AGBL1: variants seen among roughly 807,000 people sequenced by gnomAD.
AGBL1 encodes cytosolic carboxypeptidase 4.
Under a neutral mutation model 118.9 loss-of-function variants are expected in AGBL1, and 130 were observed. The ratio of observed to expected loss-of-function variants is 1.09; its 90% CI spans 0.95 to 1.26. AGBL1 has a LOEUF of 1.26. AGBL1 is among the 50% of genes most tolerant of loss of function. The probability of loss-of-function intolerance (pLI) is 0.00; values close to 1 mark genes in which losing one functional copy is unlikely to be tolerated. For missense variants in AGBL1, 1,584 were observed against 1,298.1 expected (o/e 1.22, Z -3.38); for synonymous variants, 555 against 478.9 (o/e 1.16, Z -2.08).
intron 18 of AGBL1, among the ~76,000 whole-genome samples, chr15:86,450,785 A>G (rs1247502450): frequency 1.3e-5 from 2 of 152,220 alleles, no homozygotes; most frequent in Non-Finnish European, 2.9e-5. Flanking sequence ...GGGTTAAAGA[A>G]GATGCTGCAT....
At chr15:86,289,762 C>T (rs948035246) in intron 16 of AGBL1, among the ~76,000 whole-genome samples, 1 of 152,214 alleles carries the variant, frequency 6.6e-6, no homozygotes, top group South Asian at 2.1e-4. Flanking sequence ...TTATAAGGAC[C>T]TTTGTCATTA....
intron 21 of AGBL1, among the ~76,000 whole-genome samples, chr15:86,665,071 T>C (rs955469463): frequency 6.6e-6 from 1 of 152,078 alleles, no homozygotes; most frequent in African/African-American, 2.4e-5. Context: ...AAAATTGGGG[T>C]CATAAAGAAT....
At chr15:86,762,850 G>A (rs2078045848) in intron 22 of AGBL1, among the ~76,000 whole-genome samples, 1 of 152,002 alleles carries the variant, frequency 6.6e-6, no homozygotes, top group Admixed American at 6.6e-5. Context: ...TGGGATAGTT[G>A]AGTGTGTTGT....
At chr15:86,560,150 T>C (rs2083794241) in intron 21 of AGBL1, among the ~76,000 whole-genome samples, 1 of 152,142 alleles carries the variant, frequency 6.6e-6, no homozygotes, top group African/African-American at 2.4e-5. Flanking sequence ...TGTACTTTTT[T>C]TTTTATATAC....
chr15:86,805,520 A>G (rs1176427558), intron 22 of AGBL1, among the ~76,000 whole-genome samples: 1 of 151,948 alleles, frequency 6.6e-6, no homozygotes, highest in Non-Finnish European at 1.5e-5. Context: ...TCTGTGCTGT[A>G]GACATGTGCA....
chr15:86,916,872 A>C (rs1033248352), downstream of AGBL1, among the ~76,000 whole-genome samples: 1 of 152,228 alleles, frequency 6.6e-6, no homozygotes, highest in African/African-American at 2.4e-5. Context: ...CCAGGCCTGC[A>C]CAATGATCTA....
chr15:86,264,418 T>C lies in AGBL1; in HGVS notation c.1247T>C (p.Leu416Pro). The C allele has an allele frequency of 1.9e-6, 3 of 1,613,990 alleles. No homozygotes were observed. Among genetic ancestry groups the C allele is most frequent in the Non-Finnish European group, 2.5e-6 (3 of 1,179,882 alleles). ...GAATATGCTGTCCAGACTTCCCTTC[T>C]GTGCAGGGTGAAGACGGGAAGGTCC... The part of the protein sequence containing the change: ...EREYAVQTSL[L>P]CRVKTGRSTV... Residue 416 changes from leucine to proline, a missense_variant, in exon 11 of 23, where the codon CTG becomes CCG. By Grantham distance (98) the Leu-to-Pro change is moderately conservative. Transcript: ENST00000614907.
chr15:86,794,860 A>G (rs2078546923), intron 22 of AGBL1, among the ~76,000 whole-genome samples: 1 of 152,148 alleles, frequency 6.6e-6, no homozygotes, highest in Non-Finnish European at 1.5e-5. Flanking sequence ...TGGAACTGCT[A>G]GTTTTATATT....
chr15:86,199,249 C>T (rs758654668), intron 5 of AGBL1, among the ~76,000 whole-genome samples: 35 of 151,666 alleles, frequency 2.3e-4, no homozygotes, highest in Non-Finnish European at 4.0e-4. Flanking sequence ...CTTTCAACCA[C>T]TTCAGTATGG....
chr15:86,459,502 T>C (rs2082303363), intron 18 of AGBL1, among the ~76,000 whole-genome samples: 1 of 152,200 alleles, frequency 6.6e-6, no homozygotes, highest in Non-Finnish European at 1.5e-5. Context: ...GCCATAAATT[T>C]CATAATTCAT....
At chr15:86,867,771 T>C (rs1276418345) in intron 22 of AGBL1, among the ~76,000 whole-genome samples, 1 of 152,116 alleles carries the variant, frequency 6.6e-6, no homozygotes, top group African/African-American at 2.4e-5. Flanking sequence ...CAGAGGGAAA[T>C]CAATTAGCAG....
chr15:86,950,287 A>G (rs1312276074), intron 23 of AGBL1, among the ~76,000 whole-genome samples: 1 of 151,620 alleles, frequency 6.6e-6, no homozygotes, highest in Non-Finnish European at 1.5e-5. Flanking sequence ...GAAAATAATA[A>G]AAAGATAGAC....
At chr15:86,546,638 C>T (rs1466594088) in intron 20 of AGBL1, among the ~76,000 whole-genome samples, 3 of 152,160 alleles carry the variant, frequency 2.0e-5, no homozygotes, top group Non-Finnish European at 1.5e-5. Context: ...ATCTACATCT[C>T]TCTGCATGAG....
intron 18 of AGBL1, among the ~76,000 whole-genome samples, chr15:86,447,349 C>T (rs1453892518): frequency 6.6e-6 from 1 of 152,184 alleles, no homozygotes; most frequent in East Asian, 1.9e-4. Flanking sequence ...TTGTAGTGGA[C>T]ATTTTGTTTG....
At chr15:86,368,667 A>G (rs2080927136) in intron 17 of AGBL1, among the ~76,000 whole-genome samples, 1 of 152,166 alleles carries the variant, frequency 6.6e-6, no homozygotes, top group African/African-American at 2.4e-5. Flanking sequence ...AATGGGATAA[A>G]ATATTTCTGT....
chr15:86,963,062 A>G (rs532866969), intron 23 of AGBL1, among the ~76,000 whole-genome samples: 1 of 152,262 alleles, frequency 6.6e-6, no homozygotes, highest in African/African-American at 2.4e-5. Context: ...TTAAAATATC[A>G]TGTAAGCCTT....
At chr15:87,004,763 G>A (rs2141768577) in intron 24 of AGBL1, among the ~76,000 whole-genome samples, 1 of 152,186 alleles carries the variant, frequency 6.6e-6, no homozygotes, top group South Asian at 2.1e-4. Context: ...CTCATTAATT[G>A]ATGCAGTTTC....
At chr15:86,966,575 G>A (rs1393601615) in intron 23 of AGBL1, among the ~76,000 whole-genome samples, 1 of 152,082 alleles carries the variant, frequency 6.6e-6, no homozygotes, top group Non-Finnish European at 1.5e-5. Context: ...AACATGTGGT[G>A]TTTGGTTTTT....
rs74027189 is a variant in AGBL1 at position 86,956,661 on chromosome 15, A to G, written c.3222-31326A>G. On this transcript the variant is annotated intron_variant, in intron 23 of 24. Coordinates refer to the AGBL1 transcript ENST00000441037. ...CAACCGATGTGAATGTTAGTCACAC[A>G]TTAAAAAATAGTTTTGCAGCAACAT... Among the ~76,000 whole-genome samples, 422 of 152,288 alleles carry G rather than the reference A, an allele frequency of 2.8e-3. 1 individual carries two copies. The highest frequency in any genetic ancestry group is 9.4e-3 in the African/African-American group (389 of 41,576).
Sources: allele counts gnomAD v4.1 joint callset (sites outside exome capture counted in the v4.1 genomes callset), GRCh38; gene constraint gnomAD v4.1.1; transcripts MANE v1.5; gene names NCBI Gene and HGNC (gene_info 2026-07-23, HGNC 2026-07-21).